The following CEP126 variants were observed in gnomAD, a reference collection of about 807,000 sequenced individuals.
CEP126 encodes the protein centrosomal protein of 126 kDa.
In CEP126, 74 loss-of-function variants were observed where a neutral mutation model predicts 107.8. The observed-to-expected ratio is 0.69, with a 90% confidence interval of 0.57 to 0.83. The LOEUF (loss-of-function observed/expected upper bound fraction) is 0.83, where lower values mean the gene tolerates loss of function less well. Ranked by LOEUF, CEP126 falls within the 40% of genes least tolerant of loss-of-function variation. The probability of loss-of-function intolerance (pLI) is 0.00; values close to 1 mark genes in which losing one functional copy is unlikely to be tolerated. For synonymous variants in CEP126, 449 were observed against 446.0 expected (o/e 1.01, Z -0.08); for missense variants, 1,237 against 1,281.9 (o/e 0.96, Z 0.53).
rs182214684 is a variant in CEP126 at position 101,955,426 on chromosome 11, C to G, written c.507-2742C>G. Among the ~76,000 whole-genome samples the G allele has an allele frequency of 3.3e-5, 5 of 152,288 alleles. No individual in the cohort carries two copies. In the South Asian group the frequency reaches 8.3e-4, roughly 25 times the overall value. On this transcript the variant is annotated intron_variant, in intron 4 of 10. Transcript: ENST00000263468. The stretch of plus-strand genomic sequence containing the variant: ...TAGTGTGGCAGTTGATCCTGAACTA[C>G]GTGCTACACTGAGAAATCTGGCCAG...
chr11:101,957,407 T>C (rs938140627), intron 4 of CEP126, among the ~76,000 whole-genome samples: 1 of 152,224 alleles, frequency 6.6e-6, no homozygotes, highest in Admixed American at 6.5e-5. Context: ...TTTAGTTCTT[T>C]GCTTTCACTT....
At chr11:101,996,004 C>G (rs560497681) in intron 10 of CEP126, among the ~76,000 whole-genome samples, 1 of 152,300 alleles carries the variant, frequency 6.6e-6, no homozygotes, top group African/African-American at 2.4e-5. Flanking sequence ...AAGAAGAAGG[C>G]AGAAGTGGTC....
chr11:101,964,566 G>T (rs915255824), intron 6 of CEP126, among the ~76,000 whole-genome samples: 1 of 151,942 alleles, frequency 6.6e-6, no homozygotes, highest in African/African-American at 2.4e-5. Context: ...GAGCCCAGGA[G>T]GAGGAGGTTT....
At chr11:101,953,968 T>G (rs570661926) in intron 4 of CEP126, among the ~76,000 whole-genome samples, 2 of 149,618 alleles carry the variant, frequency 1.3e-5, no homozygotes, top group South Asian at 2.1e-4. Flanking sequence ...CACTTTCAGG[T>G]TTTTTTTTTC....
intron 6 of CEP126, among the ~76,000 whole-genome samples, chr11:101,976,682 C>T (rs1565366604): frequency 6.6e-6 from 1 of 152,178 alleles, no homozygotes; most frequent in Non-Finnish European, 1.5e-5. Context: ...TACTTTACAT[C>T]TTTGTACATA....
At position 101,971,327 on chromosome 11, in the gene CEP126, GA is replaced by G. The variant is rs370528700; in HGVS notation, c.2846-7010del. On this transcript the variant is annotated intron_variant, in intron 6 of 10. Transcript: ENST00000263468. ...ACAACAGATTTTTCATAATACACAT[GA>G]AAAAAAAAATAGTACATTGATCTAT... Among the ~76,000 whole-genome samples, 1,366 of 148,540 alleles carry G rather than the reference GA, an allele frequency of 9.2e-3. 17 individuals are homozygous for G. The highest frequency in any genetic ancestry group is 0.028 in the African/African-American group (1,138 of 40,658).
chr11:101,963,515 A>C lies in CEP126; in HGVS notation c.2480A>C (p.Glu827Ala). The change falls in exon 6 of 11, where the codon GAA becomes GCA. Residue 827 changes from glutamate to alanine, a missense_variant. Transcript: ENST00000263468. ...QVSQCQPVTPENPQNIITHNS... is the reference protein window; with the variant it reads ...QVSQCQPVTPANPQNIITHNS... ...TCTCAGTGTCAACCAGTAACTCCTG[A>C]AAATCCTCAAAACATTATTACACAT... is the stretch of plus-strand genomic sequence containing the variant. The C allele has an allele frequency of 2.5e-6, 4 of 1,614,068 alleles. No homozygotes were observed. The highest frequency in any genetic ancestry group is 3.4e-6 in the Non-Finnish European group (4 of 1,179,960).
At chr11:101,956,276 T>C in intron 4 of CEP126, 1 of 456,412 alleles carries the variant, frequency 2.2e-6, no homozygotes. Context: ...ACTGGTTGTT[T>C]CCCCAACCCC....
intron 6 of CEP126, among the ~76,000 whole-genome samples, chr11:101,977,251 G>C (rs1941201504): frequency 6.6e-6 from 1 of 152,000 alleles, no homozygotes; most frequent in Non-Finnish European, 1.5e-5. Context: ...GAAATGGGTT[G>C]GCCTTGCTGT....
chr11:101,955,836 T>A (rs1481402865), intron 4 of CEP126: 1 of 455,884 alleles, frequency 2.2e-6, no homozygotes, highest in Non-Finnish European at 4.4e-6. Flanking sequence ...GACCCCTACT[T>A]ACCTGATCAA....
chr11:101,923,967 T>C (rs573763636), intron 2 of CEP126, among the ~76,000 whole-genome samples: 4 of 152,326 alleles, frequency 2.6e-5, no homozygotes, highest in African/African-American at 9.6e-5. Context: ...GTCTGACACA[T>C]AGGACTTCTT....
chr11:101,917,234 T>C (rs977125975), intron 1 of CEP126, among the ~76,000 whole-genome samples: 3 of 152,120 alleles, frequency 2.0e-5, no homozygotes, highest in Admixed American at 6.6e-5. Flanking sequence ...AACACTAAAG[T>C]ACCTTTTATA....
chr11:101,942,437 G>T (rs574324295), intron 2 of CEP126, among the ~76,000 whole-genome samples: 4 of 152,042 alleles, frequency 2.6e-5, no homozygotes, highest in East Asian at 3.9e-4. Flanking sequence ...ATAGAAGAGG[G>T]TTTATTTCTG....
intron 9 of CEP126, 48 bp from the exon 10 acceptor site, chr11:101,992,730 C>T: frequency 9.9e-7 from 1 of 1,012,918 alleles, no homozygotes; most frequent in South Asian, 1.7e-5. Flanking sequence ...TCTTCTATTT[C>T]TATATATGTA....
chr11:101,915,188 C>T lies in CEP126; in HGVS notation c.-97C>T. 13 of 1,536,310 alleles carry T rather than the reference C, an allele frequency of 8.5e-6. No homozygotes were observed. The highest frequency in any genetic ancestry group is 1.1e-5 in the Non-Finnish European group (12 of 1,132,692). On this transcript the variant is annotated 5_prime_UTR_variant, in exon 1 of 11. In the 5' UTR this introduces an upstream ATG that the reference lacks. Transcript: ENST00000263468. ...CGCCCGTGACGCGGGGCCTGAGAGA[C>T]GGAGTGTAGGGAGGGGCCGAGCAGG...
chr11:101,987,967 T>TA lies in CEP126; in HGVS notation c.3244+935dup, dbSNP rs3043916. On this transcript the variant is annotated intron_variant, in intron 9 of 10. Transcript: ENST00000263468. ...CCAAGGAAAATGAGCAGCCTACAAT[T>TA]AAAAAAAAAGTAAATAACTTAATCC... is the stretch of plus-strand genomic sequence containing the variant. Among the ~76,000 whole-genome samples the TA allele has an allele frequency of 1.1e-3, 164 of 145,824 alleles. 1 individual carries two copies. Among genetic ancestry groups the TA allele is most frequent in the Non-Finnish European group, 1.9e-3 (123 of 65,956 alleles).
chr11:101,967,081 C>T (rs893807151), intron 6 of CEP126, among the ~76,000 whole-genome samples: 26 of 133,206 alleles, frequency 2.0e-4, no homozygotes, highest in Admixed American at 1.7e-4. Flanking sequence ...CAGGCTAGGG[C>T]GCAGTGGCGT....
rs1202305443 is a variant in CEP126, at chr11:102,000,258, C to T, written c.*2615C>T. On this transcript the variant is annotated 3_prime_UTR_variant, in exon 11 of 11. Transcript: ENST00000263468. ...TTAATAATATAAGAAAGAAAAATGCCCTTTCACACTGAATCTTCAAGTTCT... is the reference window on the plus strand; with the variant it reads ...TTAATAATATAAGAAAGAAAAATGCTCTTTCACACTGAATCTTCAAGTTCT... The T allele has an allele frequency of 6.6e-6, 1 of 151,988 alleles. No individual in the cohort carries two copies. The highest frequency in any genetic ancestry group is 2.4e-5 in the African/African-American group (1 of 41,398). 9.4% of individuals were successfully genotyped at this position (151,988 alleles called of 1,614,324 possible).
chr11:101,938,159 C>CAAAAAAAAAAAAAAAAAAAAAAA (rs1491167740), intron 2 of CEP126, among the ~76,000 whole-genome samples: 13 of 39,248 alleles, frequency 3.3e-4, no homozygotes, highest in Non-Finnish European at 4.3e-4. Context: ...GACTCTGTCT[C>CAAAAAAAAAAAAAAAAAAAAAAA]AAAAAAAAAA....
Sources: allele counts gnomAD v4.1 joint callset (sites outside exome capture counted in the v4.1 genomes callset), GRCh38; gene constraint gnomAD v4.1.1; transcripts MANE v1.5; gene names NCBI Gene and HGNC (gene_info 2026-07-23, HGNC 2026-07-21).